Variants in CAMTA1 observed in about 807,000 individuals in gnomAD.
CAMTA1 encodes calmodulin binding transcription activator 1, also known as calmodulin-binding transcription activator 1.
Under a neutral mutation model 170.9 loss-of-function variants are expected in CAMTA1, and 27 were observed. The observed-to-expected ratio is 0.16, with a 90% CI of 0.12 to 0.22. CAMTA1 has a LOEUF of 0.22. Among genes scored for constraint, CAMTA1 ranks in the 10% least tolerant of loss-of-function variants. The pLI is 1.00. For synonymous variants in CAMTA1, 833 were observed against 891.5 expected, an observed-to-expected ratio of 0.93 and a Z score of 1.17; for missense variants, 1,619 against 2,217.2, an observed-to-expected ratio of 0.73 and a Z score of 5.42.
intron 1 of CAMTA1, among the ~76,000 whole-genome samples, chr1:6,789,231 G>A (rs538814889): frequency 6.6e-6 from 1 of 152,262 alleles, no homozygotes; most frequent in African/African-American, 2.4e-5. Context: ...TGCTCTTTGA[G>A]ACATATTTAT....
intron 3 of CAMTA1, among the ~76,000 whole-genome samples, chr1:6,868,059 CT>C (rs1215142064): frequency 1.3e-5 from 2 of 152,042 alleles, no homozygotes; most frequent in African/African-American, 4.8e-5. Flanking sequence ...CCTGCCTTTG[CT>C]TTCCAAAGTG....
rs1672348226 is a variant in CAMTA1 at position 7,286,359 on chromosome 1, C to A, written c.438+36733C>A. Among the ~76,000 whole-genome samples the A allele has an allele frequency of 6.6e-6, 1 of 152,174 alleles. No homozygotes were observed. Among genetic ancestry groups the A allele is most frequent in the South Asian group, 2.1e-4 (1 of 4,826 alleles). The stretch of plus-strand genomic sequence containing the variant: ...TCTTGATTTGAGGTCTATGGGTGGT[C>A]CTGGAAGATCGTCATGGGGGTCTTC... On this transcript the variant is annotated intron_variant, in intron 5 of 22. Transcript: ENST00000303635. The surrounding 1 kb of genome is among the most constrained non-coding windows in gnomAD (Gnocchi z 4.2).
In CAMTA1 at chr1:7,767,531, G is replaced by A. The variant is rs2097030647; in HGVS notation, c.*1040G>A. The A allele has an allele frequency of 6.5e-6, 1 of 152,698 alleles. No individual in the cohort carries two copies. Among genetic ancestry groups the A allele is most frequent in the South Asian group, 2.1e-4 (1 of 4,834 alleles). The allele number at this position is 152,698 out of a possible 1,614,324, so 9.5% of individuals were successfully genotyped here. The stretch of plus-strand genomic sequence containing the variant: ...TATATATAGAAGGTAGAAATGAAAA[G>A]TGAGAAAATATTTGAAAGGGATTAT... On this transcript the variant is annotated 3_prime_UTR_variant, in exon 23 of 23. Coordinates refer to ENST00000303635, the MANE Select transcript of CAMTA1 (RefSeq NM_015215.4).
intron 5 of CAMTA1, among the ~76,000 whole-genome samples, chr1:7,436,879 G>A (rs925884682): frequency 6.6e-6 from 1 of 152,138 alleles, no homozygotes; most frequent in Non-Finnish European, 1.5e-5. Context: ...ATGTAAAGAG[G>A]TAACTGAGGC....
At chr1:7,691,071 C>T (rs1331234948) in intron 11 of CAMTA1, among the ~76,000 whole-genome samples, 1 of 152,188 alleles carries the variant, frequency 6.6e-6, no homozygotes, top group Non-Finnish European at 1.5e-5. Context: ...GAACTGACCA[C>T]CTGTCTTCGC....
intron 5 of CAMTA1, among the ~76,000 whole-genome samples, chr1:7,259,965 C>G (rs997485406): frequency 1.3e-5 from 2 of 152,194 alleles, no homozygotes; most frequent in Non-Finnish European, 2.9e-5. Flanking sequence ...TGCCAAATAA[C>G]TACATTTTTC....
intron 4 of CAMTA1, among the ~76,000 whole-genome samples, chr1:7,201,541 T>A (rs552675135): frequency 1.2e-4 from 18 of 152,292 alleles, no homozygotes; most frequent in Admixed American, 5.9e-4. Flanking sequence ...CTGTCAACAC[T>A]TGTTATTATC....
At chr1:6,804,311 C>T (rs532073422) in intron 1 of CAMTA1, among the ~76,000 whole-genome samples, 1 of 151,264 alleles carries the variant, frequency 6.6e-6, no homozygotes, top group Non-Finnish European at 1.5e-5. Context: ...AGCCACTGTG[C>T]CCAGCCTGAT....
At chr1:7,566,380 C>T (rs1193708043) in intron 6 of CAMTA1, among the ~76,000 whole-genome samples, 4 of 152,206 alleles carry the variant, frequency 2.6e-5, no homozygotes, top group Admixed American at 2.6e-4. Flanking sequence ...GTAAATAAGG[C>T]TGGTTTTGTT....
chr1:7,386,288 G>T (rs1399017851), intron 5 of CAMTA1, among the ~76,000 whole-genome samples: 1 of 152,220 alleles, frequency 6.6e-6, no homozygotes. Context: ...CTTGTGCAGA[G>T]TCCCCGTGAT....
intron 6 of CAMTA1, among the ~76,000 whole-genome samples, chr1:7,500,912 C>T (rs918502312): frequency 1.3e-5 from 2 of 152,126 alleles, no homozygotes; most frequent in South Asian, 2.1e-4. Flanking sequence ...ACTGGTCACA[C>T]CCAACTGGCA....
intron 3 of CAMTA1, among the ~76,000 whole-genome samples, chr1:7,034,298 A>C (rs1414126298): frequency 1.3e-5 from 2 of 152,162 alleles, no homozygotes; most frequent in East Asian, 3.9e-4. Flanking sequence ...CTGGGATTAC[A>C]GGTGCCCACC....
chr1:7,322,068 G>A (rs1678504639), intron 5 of CAMTA1, among the ~76,000 whole-genome samples: 1 of 152,178 alleles, frequency 6.6e-6, no homozygotes. Context: ...GGAAGAGTCT[G>A]AAGAAGTCAA....
chr1:7,745,734 A>C, intron 17 of CAMTA1, 111 bp from the exon 18 acceptor site: 1 of 1,325,848 alleles, frequency 7.5e-7, no homozygotes, highest in South Asian at 1.3e-5. Flanking sequence ...GCATGTTCCT[A>C]ATTGCCCACA....
intron 4 of CAMTA1, among the ~76,000 whole-genome samples, chr1:7,128,838 T>C (rs1275142765): frequency 1.5e-5 from 2 of 137,134 alleles, no homozygotes; most frequent in East Asian, 4.2e-4. Flanking sequence ...CTCCTTTTTT[T>C]TTTTTTTTTT....
At chr1:7,488,145 A>C (rs1346735684) in intron 6 of CAMTA1, among the ~76,000 whole-genome samples, 1 of 152,066 alleles carries the variant, frequency 6.6e-6, no homozygotes, top group Non-Finnish European at 1.5e-5. Flanking sequence ...CCTTTCTGGA[A>C]TCTCCCTCTA....
At chr1:7,327,406 C>CAAAAA (rs34737058) in intron 5 of CAMTA1, among the ~76,000 whole-genome samples, 5 of 87,904 alleles carry the variant, frequency 5.7e-5, no homozygotes, top group East Asian at 3.6e-4. Context: ...GACTCCATCT[C>CAAAAA]AAAAAAAAAA....
In CAMTA1 at chr1:7,454,536, C is replaced by G. The variant is rs566074883; in HGVS notation, c.439-13294C>G. On this transcript the variant is annotated intron_variant, in intron 5 of 22. Transcript: ENST00000303635. ...GCTGCTAAGATGTGCAGGCGAGTTT[C>G]AAACCCAAGTCTGGCTTAGTGCCCA... is the stretch of plus-strand genomic sequence containing the variant. 2.5e-4 allele frequency among the ~76,000 whole-genome samples: 38 copies of G among 152,334 alleles called. No individual in the cohort carries two copies. The South Asian group carries it at 7.7e-3, about 31-fold the overall frequency.
chr1:7,574,943 G>A (rs533422231), intron 6 of CAMTA1, among the ~76,000 whole-genome samples: 28 of 152,184 alleles, frequency 1.8e-4, no homozygotes, highest in Admixed American at 3.3e-4. Flanking sequence ...CGGACATGTC[G>A]ACCAGCAATA....
Sources: gnomAD v4.1 joint callset for allele counts (sites outside exome capture counted in the v4.1 genomes callset) on GRCh38, gnomAD v4.1.1 for gene constraint, Gnocchi (gnomAD v3.1) non-coding constraint, MANE v1.5 for transcripts, NCBI Gene and HGNC (gene_info 2026-07-23, HGNC 2026-07-21) for gene names.